The following RGS6 variants were observed in gnomAD, a reference collection of about 807,000 sequenced individuals.
The protein encoded by RGS6 is regulator of G protein signaling 6, also known as regulator of G-protein signaling 6.
Under a neutral mutation model 78.5 loss-of-function variants are expected in RGS6, and 30 were observed. The ratio of observed to expected loss-of-function variants is 0.38; its 90% CI spans 0.29 to 0.52. The LOEUF (loss-of-function observed/expected upper bound fraction) is 0.52. RGS6 is among the 20% of genes least tolerant of loss of function. RGS6 has a pLI of 0.85. For missense variants in RGS6, 495 were observed against 609.7 expected (o/e 0.81, Z 1.98); for synonymous variants, 206 against 206.0 (o/e 1.00, Z 0.00).
intron 15 of RGS6, among the ~76,000 whole-genome samples, chr14:72,528,301 T>A (rs1242974474): frequency 6.6e-6 from 1 of 152,212 alleles, no homozygotes; most frequent in African/African-American, 2.4e-5. Flanking sequence ...TTCTAGTTGG[T>A]TTTGATCCTG....
intron 13 of RGS6, among the ~76,000 whole-genome samples, chr14:72,504,257 A>G (rs758872594): frequency 1.3e-5 from 2 of 152,242 alleles, no homozygotes; most frequent in Non-Finnish European, 2.9e-5. Context: ...TTGCATATGA[A>G]TAGACAAAGA....
intron 17 of RGS6, among the ~76,000 whole-genome samples, chr14:72,551,322 A>G (rs1020390905): frequency 1.3e-5 from 2 of 152,156 alleles, no homozygotes; most frequent in Admixed American, 1.3e-4. Context: ...TTGCTCCAGC[A>G]GGACTGTGTT....
chr14:72,309,054 T>A (rs564026820), intron 2 of RGS6, among the ~76,000 whole-genome samples: 1 of 152,322 alleles, frequency 6.6e-6, no homozygotes, highest in South Asian at 2.1e-4. Flanking sequence ...CCTCTTGATT[T>A]TAAATTCCTA....
intron 3 of RGS6, among the ~76,000 whole-genome samples, chr14:72,367,373 G>C (rs2082642847): frequency 6.6e-6 from 1 of 152,152 alleles, no homozygotes; most frequent in Non-Finnish European, 1.5e-5. Context: ...GTGCTCTCTA[G>C]CCTCTGTTTT....
chr14:72,390,180 C>T (rs1221096338), intron 3 of RGS6, among the ~76,000 whole-genome samples: 2 of 150,742 alleles, frequency 1.3e-5, no homozygotes. Context: ...TCACTGCAAC[C>T]TCCGCTTCCC....
At chr14:72,413,337 TC>T (rs1295636267) in intron 3 of RGS6, among the ~76,000 whole-genome samples, 5 of 152,258 alleles carry the variant, frequency 3.3e-5, no homozygotes, top group African/African-American at 1.2e-4. Context: ...CTTCTTTGTC[TC>T]TTTTGATCTT....
intron 3 of RGS6, among the ~76,000 whole-genome samples, chr14:72,400,810 C>T (rs910784170): frequency 4.6e-5 from 7 of 152,216 alleles, no homozygotes; most frequent in Admixed American, 2.6e-4. Context: ...TATCTCTGAT[C>T]CTCCCTAGCA....
chr14:71,999,211 G>T (rs1234805284), intron 2 of RGS6, among the ~76,000 whole-genome samples: 1 of 152,206 alleles, frequency 6.6e-6, no homozygotes, highest in East Asian at 1.9e-4. Flanking sequence ...ATTAAAACCG[G>T]AGAGCGTCAG....
At chr14:72,036,252 G>A (rs1342360660) in intron 2 of RGS6, among the ~76,000 whole-genome samples, 1 of 147,374 alleles carries the variant, frequency 6.8e-6, no homozygotes, top group Admixed American at 6.7e-5. Flanking sequence ...ATTCCACTGT[G>A]TGAACATAAC....
At chr14:72,115,240 C>T (rs775771588) in intron 2 of RGS6, among the ~76,000 whole-genome samples, 3 of 152,160 alleles carry the variant, frequency 2.0e-5, no homozygotes, top group Non-Finnish European at 4.4e-5. Context: ...GATTTCTTCT[C>T]TGGATTTGAC....
intron 3 of RGS6, among the ~76,000 whole-genome samples, chr14:72,405,535 T>C (rs1315429598): frequency 3.3e-5 from 5 of 152,204 alleles, no homozygotes; most frequent in African/African-American, 1.2e-4. Context: ...TTAACATCCT[T>C]CTTTCTAAAG....
At chr14:72,292,806 A>G (rs1453362937) in intron 2 of RGS6, among the ~76,000 whole-genome samples, 2 of 152,248 alleles carry the variant, frequency 1.3e-5, no homozygotes, top group Non-Finnish European at 2.9e-5. Flanking sequence ...GTAAAGGTGC[A>G]TGAGGAATTG....
At chr14:72,007,042 AAAATT>A (rs2084706011) in intron 2 of RGS6, among the ~76,000 whole-genome samples, 1 of 152,356 alleles carries the variant, frequency 6.6e-6, no homozygotes, top group East Asian at 1.9e-4. Context: ...AAAAGAAAGA[AAAATT>A]AACAACACTG....
chr14:71,890,358 CAGAGAG>C, the RGS6 span, among the ~76,000 whole-genome samples: 60 of 133,094 alleles, frequency 4.5e-4, no homozygotes, highest in South Asian at 1.3e-3. Flanking sequence ...GTGCATAAGA[CAGAGAG>C]AGAGAGAGAG....
At chr14:72,482,365 C>T (rs1447533633) in intron 12 of RGS6, among the ~76,000 whole-genome samples, 1 of 152,200 alleles carries the variant, frequency 6.6e-6, no homozygotes, top group African/African-American at 2.4e-5. Flanking sequence ...GCTTTCTCTA[C>T]TAACCCTTCC....
chr14:72,629,400 T>C, the RGS6 span, among the ~76,000 whole-genome samples: 24 of 152,362 alleles, frequency 1.6e-4, no homozygotes, highest in Non-Finnish European at 2.4e-4. Context: ...AATGAGATCA[T>C]ATACTGTGGA....
intron 12 of RGS6, among the ~76,000 whole-genome samples, chr14:72,483,269 CCAGTGCACTGCTGCA>C (rs1175154165): frequency 6.6e-6 from 1 of 152,182 alleles, no homozygotes; most frequent in Non-Finnish European, 1.5e-5. Context: ...TGCAGCTATC[CCAGTGCACTGCTGCA>C]CACAGAGGGA....
intron 2 of RGS6, among the ~76,000 whole-genome samples, chr14:71,975,651 G>T (rs559145251): frequency 6.6e-6 from 1 of 152,220 alleles, no homozygotes; most frequent in Non-Finnish European, 1.5e-5. Context: ...TACAGTCGGG[G>T]TTTCACCATG....
intron 15 of RGS6, among the ~76,000 whole-genome samples, chr14:72,534,060 G>A (rs142929982): frequency 9.9e-4 from 151 of 152,326 alleles, no homozygotes; most frequent in African/African-American, 3.3e-3. Flanking sequence ...AATCTGTTGC[G>A]AAAGGAAGAG....
Sources: allele counts gnomAD v4.1 joint callset (sites outside exome capture counted in the v4.1 genomes callset), GRCh38; gene constraint gnomAD v4.1.1; transcripts MANE v1.5; gene names NCBI Gene and HGNC (gene_info 2026-07-23, HGNC 2026-07-21).